PHIP: variants seen among roughly 807,000 people sequenced by gnomAD.
PHIP encodes the protein PHIP subunit of CUL4-Ring ligase complex.
A neutral mutation model predicts 236.8 loss-of-function variants in PHIP; 54 were observed. The observed-to-expected ratio is 0.23, with a 90% CI of 0.18 to 0.29. PHIP has a LOEUF of 0.29. Among genes scored for constraint, PHIP ranks in the 10% least tolerant of loss-of-function variants. The probability of loss-of-function intolerance (pLI) is 1.00; values close to 1 mark genes in which losing one functional copy is unlikely to be tolerated. For synonymous variants in PHIP, 756 were observed against 718.9 expected (o/e 1.05, Z -0.83); for missense variants, 1,370 against 2,190.8 (o/e 0.63, Z 7.48).
At chr6:79,069,056 CTATTA>C (rs1202469241) in intron 4 of PHIP, among the ~76,000 whole-genome samples, 3 of 151,660 alleles carry the variant, frequency 2.0e-5, no homozygotes, top group African/African-American at 4.8e-5. Flanking sequence ...CTTCTGCTCT[CTATTA>C]TGTTTTTGAG....
intron 4 of PHIP, among the ~76,000 whole-genome samples, 195 bp downstream of exon 4, chr6:79,077,253 C>A (rs1186868563): frequency 6.6e-6 from 1 of 152,098 alleles, no homozygotes; most frequent in African/African-American, 2.4e-5. Context: ...GTCCGCAGCC[C>A]CTGCGGCCCC....
At chr6:79,018,762 T>C (rs1194795748) in intron 10 of PHIP, among the ~76,000 whole-genome samples, 1 of 152,010 alleles carries the variant, frequency 6.6e-6, no homozygotes, top group Middle Eastern at 3.2e-3. Flanking sequence ...ATAAACCAGA[T>C]TTAAAATACC....
chr6:79,063,173 G>A (rs1773463446), intron 4 of PHIP, among the ~76,000 whole-genome samples: 1 of 152,068 alleles, frequency 6.6e-6, no homozygotes. Flanking sequence ...ACTTGTCTGT[G>A]TCCTGCATAA....
intron 25 of PHIP, among the ~76,000 whole-genome samples, 164 bp from the exon 26 acceptor site, chr6:78,970,337 T>A (rs891556672): frequency 3.3e-5 from 5 of 152,080 alleles, no homozygotes. Flanking sequence ...ATTTGTGCAC[T>A]TTATAGTATG....
chr6:79,007,566 G>A (rs1326496707), intron 15 of PHIP, among the ~76,000 whole-genome samples: 1 of 151,610 alleles, frequency 6.6e-6, no homozygotes, highest in East Asian at 1.9e-4. Flanking sequence ...CACAAAGTAG[G>A]AAGGTTAAAA....
chr6:79,016,760 A>G, intron 12 of PHIP, 118 bp from the exon 13 acceptor site: 1 of 608,628 alleles, frequency 1.6e-6, no homozygotes, highest in Non-Finnish European at 2.9e-6. Context: ...GCAGCATTCT[A>G]ATAACTTCTG....
chr6:79,058,487 A>G (rs1376459106), intron 6 of PHIP, among the ~76,000 whole-genome samples: 4 of 152,098 alleles, frequency 2.6e-5, no homozygotes, highest in Non-Finnish European at 5.9e-5. Flanking sequence ...TTGAGTAGCC[A>G]AGTGTTATTA....
At chr6:79,023,988 C>A (rs1308320415) in intron 9 of PHIP, among the ~76,000 whole-genome samples, 4 of 152,192 alleles carry the variant, frequency 2.6e-5, no homozygotes, top group South Asian at 2.1e-4. Flanking sequence ...ACTATTGCTA[C>A]TGTCCATATA....
At chr6:79,050,230 T>C (rs149574665) in intron 6 of PHIP, among the ~76,000 whole-genome samples, 1 of 152,318 alleles carries the variant, frequency 6.6e-6, no homozygotes, top group African/African-American at 2.4e-5. Flanking sequence ...TCTTACGACG[T>C]GTAGCAAATT....
At chr6:79,031,070 A>T (rs1771651887) in intron 7 of PHIP, among the ~76,000 whole-genome samples, 1 of 152,036 alleles carries the variant, frequency 6.6e-6, no homozygotes, top group Non-Finnish European at 1.5e-5. Context: ...CAGCCTCCAG[A>T]ATAGCTGGAA....
chr6:78,968,859 T>G (rs1263744357), intron 27 of PHIP, among the ~76,000 whole-genome samples: 1 of 151,226 alleles, frequency 6.6e-6, no homozygotes, highest in Non-Finnish European at 1.5e-5. Context: ...AAGACAAACT[T>G]GTTAGATAAG....
intron 35 of PHIP, among the ~76,000 whole-genome samples, chr6:78,952,741 AT>A (rs1766129743): frequency 1.3e-5 from 2 of 152,002 alleles, no homozygotes; most frequent in South Asian, 4.1e-4. Flanking sequence ...TATTTAGTTG[AT>A]TTTAATATGT....
In PHIP at chr6:79,077,932, C is replaced by T. The variant is rs1233457922; in HGVS notation, c.41-19G>A. 6 of 1,590,720 alleles carry T rather than the reference C, an allele frequency of 3.8e-6. No individual in the cohort carries two copies. Among genetic ancestry groups the T allele is most frequent in the Non-Finnish European group, 5.1e-6 (6 of 1,168,104 alleles). Reference sequence around the variant, plus strand: ...TAGAGCTCTGCGCGGGAGAGAGGGACGGGGAGACACACAGGCTGAGCGGTC... The same window carrying T: ...TAGAGCTCTGCGCGGGAGAGAGGGATGGGGAGACACACAGGCTGAGCGGTC... On this transcript the variant is annotated intron_variant, in intron 1 of 39. Coordinates refer to ENST00000275034, the MANE Select transcript of PHIP (RefSeq NM_017934.7).
chr6:79,015,583 A>G (rs750467267), intron 14 of PHIP, 47 bp downstream of exon 14: 1 of 1,349,232 alleles, frequency 7.4e-7, no homozygotes, highest in South Asian at 1.3e-5. Flanking sequence ...GTTTCATTCT[A>G]TAGTCAGCTT....
At chr6:79,062,663 T>C (rs1180987760) in intron 4 of PHIP, among the ~76,000 whole-genome samples, 2 of 152,254 alleles carry the variant, frequency 1.3e-5, no homozygotes, top group African/African-American at 4.8e-5. Flanking sequence ...CAATAAAATA[T>C]TATGAATCCA....
intron 6 of PHIP, among the ~76,000 whole-genome samples, chr6:79,058,741 A>G (rs1401280306): frequency 6.6e-6 from 1 of 152,114 alleles, no homozygotes; most frequent in East Asian, 1.9e-4. Flanking sequence ...ATTACTCACA[A>G]AGCAAATGTT....
chr6:79,038,660 T>G (rs1157841508), intron 7 of PHIP, among the ~76,000 whole-genome samples: 1 of 21,944 alleles, frequency 4.6e-5, no homozygotes, highest in Non-Finnish European at 1.6e-4. Context: ...ACTCTTCTTT[T>G]GTCTGCTTTT....
At chr6:79,073,698 T>C (rs1774008704) in intron 4 of PHIP, among the ~76,000 whole-genome samples, 1 of 152,176 alleles carries the variant, frequency 6.6e-6, no homozygotes, top group Admixed American at 6.5e-5. Flanking sequence ...TATTCATCTC[T>C]GAATTTGAGA....
rs376929000 is a variant in PHIP at position 78,961,682 on chromosome 6, G to C, written c.3656+8C>G. On this transcript the variant is annotated splice_region_variant and intron_variant, in intron 31 of 39. Coordinates refer to ENST00000275034, the MANE Select transcript of PHIP (RefSeq NM_017934.7). Reference sequence around the variant, plus strand: ...CCTTTGATAGTAGCTACATCAAATGGTTCTAACCTGTAAAACCTGTTTTCC... The same window carrying C: ...CCTTTGATAGTAGCTACATCAAATGCTTCTAACCTGTAAAACCTGTTTTCC... The C allele has an allele frequency of 2.5e-6, 4 of 1,610,922 alleles. No homozygotes were observed. Among genetic ancestry groups the C allele is most frequent in the Middle Eastern group, 1.7e-4 (1 of 6,036 alleles).
Sources: allele counts gnomAD v4.1 joint callset (sites outside exome capture counted in the v4.1 genomes callset), GRCh38; gene constraint gnomAD v4.1.1; transcripts MANE v1.5; gene names NCBI Gene and HGNC (gene_info 2026-07-23, HGNC 2026-07-21).